Variants in SATB2 observed in about 807,000 individuals in gnomAD.
SATB2 encodes the protein SATB homeobox 2.
SATB2 carries 1 observed loss-of-function variant against 73.4 expected under a neutral mutation model. That is an observed-to-expected ratio of 0.01 (90% CI 0.00 to 0.06). The LOEUF is 0.06. Among genes scored for constraint, SATB2 ranks in the 10% least tolerant of loss-of-function variants. The probability of loss-of-function intolerance (pLI) is 1.00; values close to 1 mark genes in which losing one functional copy is unlikely to be tolerated. For missense variants in SATB2, 459 were observed against 945.8 expected (o/e 0.49, Z 6.75); for synonymous variants, 397 against 367.0 (o/e 1.08, Z -0.93).
intron 7 of SATB2, among the ~76,000 whole-genome samples, chr2:199,332,532 G>A (rs1262625737): frequency 6.6e-6 from 1 of 152,032 alleles, no homozygotes; most frequent in Non-Finnish European, 1.5e-5. Flanking sequence ...ATGCCATCTA[G>A]CTTGCTCATA....
At chr2:199,435,378 C>T (rs9646754) in intron 2 of SATB2, among the ~76,000 whole-genome samples, 4,068 of 144,938 alleles carry the variant, frequency 0.028, 72 homozygotes, top group Non-Finnish European at 0.042. Flanking sequence ...TTTTTTTTCT[C>T]GCTCTTGTTG....
At chr2:199,300,265 C>T (rs1190814692) in intron 10 of SATB2, among the ~76,000 whole-genome samples, 1 of 150,596 alleles carries the variant, frequency 6.6e-6, no homozygotes, top group Non-Finnish European at 1.5e-5. Flanking sequence ...ACCAATAGGA[C>T]AACAGCAAAA....
At chr2:199,357,503 A>G (rs977312731) in intron 6 of SATB2, among the ~76,000 whole-genome samples, 5 of 151,762 alleles carry the variant, frequency 3.3e-5, no homozygotes, top group Non-Finnish European at 5.9e-5. Flanking sequence ...ACTTTAAAAA[A>G]CTCCATCAAT....
chr2:199,296,196 C>T (rs1280060986), intron 10 of SATB2, among the ~76,000 whole-genome samples: 1 of 152,128 alleles, frequency 6.6e-6, no homozygotes, highest in Non-Finnish European at 1.5e-5. Context: ...TATAGTGTTG[C>T]TAATTTGTTT....
intron 4 of SATB2, among the ~76,000 whole-genome samples, 168 bp from the exon 5 acceptor site, chr2:199,380,655 T>C (rs1689742860): frequency 6.6e-6 from 1 of 152,182 alleles, no homozygotes; most frequent in African/African-American, 2.4e-5. Context: ...TCCAAGACTT[T>C]GCGAGGGCCC....
chr2:199,404,746 A>G (rs1449249493), intron 3 of SATB2, among the ~76,000 whole-genome samples: 1 of 152,228 alleles, frequency 6.6e-6, no homozygotes, highest in African/African-American at 2.4e-5. Context: ...GCAATTCAAC[A>G]TTTTAAATTT....
At chr2:199,439,173 A>C (rs2105935512) in intron 2 of SATB2, among the ~76,000 whole-genome samples, 1 of 152,384 alleles carries the variant, frequency 6.6e-6, no homozygotes, top group East Asian at 1.9e-4. Flanking sequence ...ACAGACAAAG[A>C]AAGAAACAAA....
intron 7 of SATB2, among the ~76,000 whole-genome samples, chr2:199,346,332 T>G (rs1165307515): frequency 1.3e-5 from 2 of 151,942 alleles, no homozygotes; most frequent in African/African-American, 4.8e-5. Context: ...GTATTTTTAG[T>G]GGAGACGAGG....
intron 10 of SATB2, among the ~76,000 whole-genome samples, chr2:199,301,578 C>T (rs1170191859): frequency 6.6e-6 from 1 of 152,040 alleles, no homozygotes; most frequent in African/African-American, 2.4e-5. Context: ...AATTGAATGC[C>T]AAGAAAGTCA....
chr2:199,418,646 T>TA (rs1691071802), intron 3 of SATB2, among the ~76,000 whole-genome samples: 1 of 152,214 alleles, frequency 6.6e-6, no homozygotes, highest in Admixed American at 6.5e-5. Flanking sequence ...TGATTTGGTT[T>TA]AGTAAATTTT....
intron 8 of SATB2, among the ~76,000 whole-genome samples, chr2:199,327,162 G>A (rs1212462171): frequency 4.6e-5 from 7 of 152,082 alleles, no homozygotes; most frequent in African/African-American, 1.2e-4. Flanking sequence ...CCATTAGGTC[G>A]GGCACGGTGG....
chr2:199,460,224 G>A (rs1692444571), upstream of SATB2, among the ~76,000 whole-genome samples: 2 of 152,114 alleles, frequency 1.3e-5, no homozygotes, highest in Admixed American at 6.5e-5. The surrounding 1 kb of genome is among the most constrained non-coding windows in gnomAD (Gnocchi z 4.0). Context: ...GCAAAAATGG[G>A]TCTAGTAAAT....
chr2:199,300,619 A>C (rs1043192301), intron 10 of SATB2, among the ~76,000 whole-genome samples: 8 of 152,282 alleles, frequency 5.3e-5, no homozygotes, highest in Admixed American at 4.6e-4. Context: ...TATAAATGAC[A>C]CAACTGACTG....
At chr2:199,307,389 C>T (rs534598452) in intron 10 of SATB2, among the ~76,000 whole-genome samples, 19 of 152,166 alleles carry the variant, frequency 1.2e-4, no homozygotes, top group African/African-American at 3.9e-4. Context: ...GCTGAGTACA[C>T]GGGTTTAATT....
intron 7 of SATB2, among the ~76,000 whole-genome samples, chr2:199,341,857 G>A (rs557424642): frequency 6.6e-6 from 1 of 152,196 alleles, no homozygotes; most frequent in Non-Finnish European, 1.5e-5. Context: ...GATTTATTAA[G>A]ATGGACTTCC....
rs1320907396 is a variant in SATB2 at position 199,270,332 on chromosome 2, G to GT, written c.*1878dup. On this transcript the variant is annotated 3_prime_UTR_variant, in exon 11 of 11. Transcript: ENST00000417098. Reference sequence around the variant, plus strand: ...GCAACATGTCTTCTCCCTGTATATTGTAAGTTCTGAGTTAATATCTACACA... The same window carrying GT: ...GCAACATGTCTTCTCCCTGTATATTGTTAAGTTCTGAGTTAATATCTACACA... 1 of 151,684 alleles carries GT rather than the reference G, an allele frequency of 6.6e-6. No individual in the cohort carries two copies. The highest frequency in any genetic ancestry group is 1.5e-5 in the Non-Finnish European group (1 of 67,826). The allele number at this position is 151,684 out of a possible 1,614,324, so 9.4% of individuals were successfully genotyped here. A position where few individuals can be genotyped will look rare whatever the true frequency, so the allele number is the denominator to read the frequency against.
At position 199,455,133 on chromosome 2, in the gene SATB2, TAAAAG is replaced by T. The variant is rs1257975921; in HGVS notation, c.169+731_169+735del. ...GTATGATTGCTTTTCCTGACCACTT[TAAAAG>T]AAAGTAGTTGCTTAAGTAGTAAAAA... On this transcript the variant is annotated intron_variant, in intron 2 of 10. Transcript: ENST00000417098. The surrounding 1 kb of genome is among the most constrained non-coding windows in gnomAD (Gnocchi z 4.1). Among the ~76,000 whole-genome samples, 3 of 152,252 alleles carry T rather than the reference TAAAAG, an allele frequency of 2.0e-5. No homozygotes were observed. Among genetic ancestry groups the T allele is most frequent in the Non-Finnish European group, 4.4e-5 (3 of 68,040 alleles).
chr2:199,351,196 T>C (rs2105826617), intron 6 of SATB2, among the ~76,000 whole-genome samples: 1 of 151,510 alleles, frequency 6.6e-6, no homozygotes, highest in Admixed American at 6.6e-5. Context: ...AGTTTCACTC[T>C]TGTTGCCCAG....
upstream of SATB2, chr2:199,469,787 C>T (rs981333621): frequency 6.6e-6 from 1 of 152,388 alleles, no homozygotes; most frequent in Non-Finnish European, 1.5e-5. Flanking sequence ...ACCAGCGAAA[C>T]CCCTTCCCAC....
Sources: allele counts gnomAD v4.1 joint callset (sites outside exome capture counted in the v4.1 genomes callset), GRCh38; gene constraint gnomAD v4.1.1; non-coding constraint Gnocchi (gnomAD v3.1); transcripts MANE v1.5; gene names NCBI Gene and HGNC (gene_info 2026-07-23, HGNC 2026-07-21).